UBE2E2: variants seen among roughly 807,000 people sequenced by gnomAD.
UBE2E2 encodes the protein ubiquitin-conjugating enzyme E2 E2.
A neutral mutation model predicts 24.7 loss-of-function variants in UBE2E2; 6 were observed. That is an observed-to-expected ratio of 0.24 (90% CI 0.13 to 0.48). The LOEUF (loss-of-function observed/expected upper bound fraction) is 0.48. UBE2E2 is among the 20% of genes least tolerant of loss of function. The pLI, the probability that UBE2E2 is intolerant of heterozygous loss-of-function variation, is 0.99. For missense variants in UBE2E2, 169 were observed against 245.0 expected, an observed-to-expected ratio of 0.69 and a Z score of 2.07; for synonymous variants, 104 against 83.6, an observed-to-expected ratio of 1.24 and a Z score of -1.33.
chr3:23,458,368 A>G (rs1233052640), intron 3 of UBE2E2, among the ~76,000 whole-genome samples: 4 of 134,646 alleles, frequency 3.0e-5, no homozygotes, highest in East Asian at 2.3e-4. Flanking sequence ...TCTAACATCA[A>G]CAATCACTGA....
chr3:23,371,335 A>G (rs1453358298), intron 3 of UBE2E2, among the ~76,000 whole-genome samples: 1 of 152,102 alleles, frequency 6.6e-6, no homozygotes, highest in African/African-American at 2.4e-5. Flanking sequence ...CCAGCCTGTT[A>G]ACATATTTTT....
chr3:23,546,370 G>A (rs371165852), intron 5 of UBE2E2, among the ~76,000 whole-genome samples: 12 of 146,556 alleles, frequency 8.2e-5, no homozygotes, highest in South Asian at 2.1e-4. Flanking sequence ...TTACTCACAT[G>A]TCTTTTACTC....
At position 23,407,652 on chromosome 3, in the gene UBE2E2, TG is replaced by T; in HGVS notation, c.228-91955del. 3.8e-5 allele frequency among the ~76,000 whole-genome samples: 2 copies of T among 52,258 alleles called. No homozygotes were observed. The highest frequency in any genetic ancestry group is 2.5e-4 in the African/African-American group (2 of 8,102). 34.3% of individuals were successfully genotyped at this position (52,258 alleles called of 152,430 possible). ...GTTTGTGTGTGCATGCGTGCATGTG[TG>T]TGTGTGTGTGTGTGTGTGTGTGTGT... is the stretch of plus-strand genomic sequence containing the variant. On this transcript the variant is annotated intron_variant, in intron 3 of 5. Transcript: ENST00000396703. This position sits in a 1 kb window ranked among gnomAD's most constrained non-coding sequence, Gnocchi z 4.0.
intron 4 of UBE2E2, among the ~76,000 whole-genome samples, chr3:23,511,610 A>T (rs776323538): frequency 6.6e-6 from 1 of 152,192 alleles, no homozygotes; most frequent in Non-Finnish European, 1.5e-5. Context: ...GGCAATTTTC[A>T]ACCCAAACTG....
At chr3:23,449,151 C>T (rs1698499621) in intron 3 of UBE2E2, among the ~76,000 whole-genome samples, 1 of 152,124 alleles carries the variant, frequency 6.6e-6, no homozygotes, top group Admixed American at 6.5e-5. Flanking sequence ...TAGGAATACA[C>T]CTATCACTTT....
At chr3:23,300,853 C>G (rs1021894283) in intron 3 of UBE2E2, among the ~76,000 whole-genome samples, 7 of 152,118 alleles carry the variant, frequency 4.6e-5, no homozygotes, top group African/African-American at 1.2e-4. Context: ...TGGGGAAGTT[C>G]TCCTGGATAA....
At position 23,499,725 on chromosome 3, in the gene UBE2E2, G is replaced by A. The variant is rs779913284; in HGVS notation, c.345G>A (p.Pro115=). ...FLDITFSPDY[P]FKPPKVTFRT... is the part of the protein sequence containing the mutation. Reference sequence around the variant, plus strand: ...ACATTACCTTTTCACCAGACTATCCGTTTAAACCCCCTAAGGTCAGTATGA... The same window carrying A: ...ACATTACCTTTTCACCAGACTATCCATTTAAACCCCCTAAGGTCAGTATGA... The change falls in exon 4 of 6, where the codon CCG becomes CCA. Residue 115 remains proline (P), a synonymous_variant. Coordinates refer to ENST00000396703, the MANE Select transcript of UBE2E2 (RefSeq NM_152653.4). The A allele has an allele frequency of 1.5e-5, 24 of 1,613,624 alleles. No homozygotes were observed. In the East Asian group the frequency reaches 1.6e-4, roughly 10 times the overall value.
At chr3:23,300,717 T>A (rs1292131150) in intron 3 of UBE2E2, among the ~76,000 whole-genome samples, 2 of 152,220 alleles carry the variant, frequency 1.3e-5, no homozygotes, top group East Asian at 3.9e-4. Context: ...GCCCTTAACA[T>A]TTTTTCCTTC....
intron 3 of UBE2E2, among the ~76,000 whole-genome samples, chr3:23,294,217 T>G (rs1259381952): frequency 2.0e-5 from 3 of 152,204 alleles, no homozygotes; most frequent in Non-Finnish European, 4.4e-5. Flanking sequence ...TGGCAGAACT[T>G]TAACGTTATT....
At chr3:23,266,968 G>A (rs935692121) in intron 3 of UBE2E2, among the ~76,000 whole-genome samples, 21 of 152,234 alleles carry the variant, frequency 1.4e-4, no homozygotes, top group Non-Finnish European at 2.4e-4. Context: ...GGTACATAAC[G>A]AAATGAAGGC....
intron 2 of UBE2E2, among the ~76,000 whole-genome samples, chr3:23,213,240 G>A (rs1209161754): frequency 1.3e-5 from 2 of 152,090 alleles, no homozygotes; most frequent in East Asian, 3.9e-4. Context: ...ATGTATGTGT[G>A]TGTTTTAAAC....
chr3:23,265,779 C>G (rs550890588), intron 3 of UBE2E2, among the ~76,000 whole-genome samples: 3 of 152,280 alleles, frequency 2.0e-5, no homozygotes, highest in Admixed American at 1.3e-4. Flanking sequence ...GTGTGGGAGT[C>G]TAAGTCTCTT....
chr3:23,320,066 C>G (rs2125288298), intron 3 of UBE2E2, among the ~76,000 whole-genome samples: 1 of 152,242 alleles, frequency 6.6e-6, no homozygotes, highest in South Asian at 2.1e-4. Context: ...AGTCTCCTGC[C>G]CATGGGAAAG....
chr3:23,493,937 G>C (rs566167546), intron 3 of UBE2E2, among the ~76,000 whole-genome samples: 1 of 152,286 alleles, frequency 6.6e-6, no homozygotes, highest in South Asian at 2.1e-4. Flanking sequence ...CAAGTTCTGT[G>C]AGTACAGTTC....
chr3:23,234,114 G>C (rs1365720079), intron 3 of UBE2E2, among the ~76,000 whole-genome samples: 1 of 152,010 alleles, frequency 6.6e-6, no homozygotes, highest in Non-Finnish European at 1.5e-5. Flanking sequence ...AGCTTACTTG[G>C]GTGTGGGTTG....
At position 23,583,145 on chromosome 3, in the gene UBE2E2, A is replaced by G. The variant is rs1239649001; in HGVS notation, c.509-6589A>G. On this transcript the variant is annotated intron_variant, in intron 5 of 5. Transcript: ENST00000396703. The surrounding 1 kb of genome is among the most constrained non-coding windows in gnomAD (Gnocchi z 4.1). ...GGGGTCCAATTTCAATCTTCTGCAT[A>G]TGGCTAGCCAGTTAGCCCAGCACCA... 6.6e-6 allele frequency among the ~76,000 whole-genome samples: 1 copy of G among 152,142 alleles called. No homozygotes were observed. The highest frequency in any genetic ancestry group is 1.5e-5 in the Non-Finnish European group (1 of 68,034).
chr3:23,500,514 A>G (rs536142850), intron 4 of UBE2E2, among the ~76,000 whole-genome samples: 1 of 152,298 alleles, frequency 6.6e-6, no homozygotes, highest in South Asian at 2.1e-4. Flanking sequence ...GTTCTCCACT[A>G]TAGCAAAGGA....
chr3:23,382,919 A>T (rs1312756849), intron 3 of UBE2E2, among the ~76,000 whole-genome samples: 2 of 152,276 alleles, frequency 1.3e-5, no homozygotes, highest in South Asian at 4.1e-4. Flanking sequence ...CCAAGGAGGT[A>T]AGAGTCAGGA....
upstream of UBE2E2, chr3:23,203,158 C>G: frequency 1.0e-6 from 1 of 985,348 alleles, no homozygotes; most frequent in Non-Finnish European, 1.2e-6. Context: ...GAGGTGGTGG[C>G]TTCACTTTCC....
Sources: allele counts gnomAD v4.1 joint callset (sites outside exome capture counted in the v4.1 genomes callset), GRCh38; gene constraint gnomAD v4.1.1; non-coding constraint Gnocchi (gnomAD v3.1); transcripts MANE v1.5; gene names NCBI Gene and HGNC (gene_info 2026-07-23, HGNC 2026-07-21).